The following IMMP2L variants were observed in gnomAD, a reference collection of about 807,000 sequenced individuals.
IMMP2L encodes the protein mitochondrial inner membrane protease subunit 2.
In IMMP2L, 18 loss-of-function variants were observed where a neutral mutation model predicts 19.3. The ratio of observed to expected loss-of-function variants is 0.93; its 90% CI spans 0.64 to 1.38. The LOEUF (loss-of-function observed/expected upper bound fraction) is 1.38. IMMP2L is among the 40% of genes most tolerant of loss of function. The pLI, the probability that IMMP2L is intolerant of heterozygous loss-of-function variation, is 0.00. For missense variants in IMMP2L, 233 were observed against 218.2 expected, an observed-to-expected ratio of 1.07 and a Z score of -0.43; for synonymous variants, 76 against 73.0, an observed-to-expected ratio of 1.04 and a Z score of -0.21.
intron 5 of IMMP2L, among the ~76,000 whole-genome samples, chr7:110,744,675 A>C (rs974661551): frequency 2.6e-5 from 4 of 152,212 alleles, no homozygotes; most frequent in Non-Finnish European, 5.9e-5. Context: ...TTAGAAGGAA[A>C]ACTAACAAAC....
chr7:110,682,236 A>G (rs1305428904), intron 5 of IMMP2L, among the ~76,000 whole-genome samples: 4 of 152,076 alleles, frequency 2.6e-5, no homozygotes, highest in Non-Finnish European at 5.9e-5. Flanking sequence ...CTTTACCTTG[A>G]TAACTCCTCT....
intron 3 of IMMP2L, among the ~76,000 whole-genome samples, chr7:111,312,648 T>A (rs10280060): frequency 0.023 from 3,495 of 152,204 alleles, 141 homozygotes; most frequent in African/African-American, 0.08. Flanking sequence ...TCCATTTGAT[T>A]TCCCAAAACT....
At chr7:110,801,319 T>C (rs540948627) in intron 5 of IMMP2L, among the ~76,000 whole-genome samples, 6 of 152,212 alleles carry the variant, frequency 3.9e-5, no homozygotes, top group African/African-American at 1.2e-4. Context: ...CCTTCCCATA[T>C]ACTGCTTGTC....
chr7:111,279,459 G>A (rs1035510309), intron 3 of IMMP2L, among the ~76,000 whole-genome samples: 3 of 152,124 alleles, frequency 2.0e-5, no homozygotes, highest in Non-Finnish European at 4.4e-5. Context: ...CAAACAGAAA[G>A]ACAGAGAAGA....
intron 3 of IMMP2L, among the ~76,000 whole-genome samples, chr7:111,013,271 T>C (rs1585745013): frequency 6.6e-6 from 1 of 152,158 alleles, no homozygotes; most frequent in Middle Eastern, 3.4e-3. Flanking sequence ...ATGTAAGAGG[T>C]AGACATGAGC....
intron 3 of IMMP2L, among the ~76,000 whole-genome samples, chr7:110,978,432 T>C (rs879119440): frequency 6.6e-6 from 1 of 152,028 alleles, no homozygotes. Flanking sequence ...AGGACTATGA[T>C]TGGGAATCTA....
intron 5 of IMMP2L, among the ~76,000 whole-genome samples, chr7:110,769,606 G>A (rs529876720): frequency 1.3e-5 from 2 of 152,086 alleles, no homozygotes; most frequent in African/African-American, 2.4e-5. Context: ...AGACAAGGTT[G>A]AAATTATTGG....
At chr7:111,317,907 A>G (rs57129648) in intron 3 of IMMP2L, among the ~76,000 whole-genome samples, 5,103 of 152,258 alleles carry the variant, frequency 0.034, 280 homozygotes, top group African/African-American at 0.12. Flanking sequence ...TTTGTTATAG[A>G]TTCTACATGG....
intron 3 of IMMP2L, among the ~76,000 whole-genome samples, chr7:111,430,710 T>C (rs1231778044): frequency 6.6e-6 from 1 of 151,796 alleles, no homozygotes; most frequent in African/African-American, 2.4e-5. Context: ...TCAAATATTG[T>C]CTTGGATGCT....
At chr7:110,804,787 A>G (rs1175969898) in intron 5 of IMMP2L, among the ~76,000 whole-genome samples, 1 of 152,124 alleles carries the variant, frequency 6.6e-6, no homozygotes, top group African/African-American at 2.4e-5. Context: ...CGGCCATGCT[A>G]ATGAGGACTA....
intron 3 of IMMP2L, among the ~76,000 whole-genome samples, chr7:110,985,167 A>G (rs1183394607): frequency 6.6e-6 from 1 of 152,122 alleles, no homozygotes; most frequent in Non-Finnish European, 1.5e-5. Context: ...AAGGAACTCA[A>G]CCTTACTGAC....
chr7:110,929,161 C>T (rs560469591), intron 4 of IMMP2L, among the ~76,000 whole-genome samples: 11 of 152,182 alleles, frequency 7.2e-5, no homozygotes. Context: ...CATGATGCCG[C>T]CCCATCAAAT....
chr7:111,095,637 T>C lies in IMMP2L; in HGVS notation c.240-132072A>G, dbSNP rs183945797. Among the ~76,000 whole-genome samples the C allele has an allele frequency of 8.3e-4, 127 of 152,166 alleles. 1 individual carries two copies. The highest frequency in any genetic ancestry group is 8.3e-3 in the Admixed American group (126 of 15,224). On this transcript the variant is annotated intron_variant, in intron 3 of 5. Coordinates refer to ENST00000405709, the MANE Select transcript of IMMP2L (RefSeq NM_032549.4). The stretch of plus-strand genomic sequence containing the variant: ...AGAGTTTTGCCCTGTTTTTAAAACA[T>C]GTTAATAATAATACTGCTATCCTTC...
intron 2 of IMMP2L, among the ~76,000 whole-genome samples, chr7:111,518,908 T>A (rs1283655177): frequency 1.2e-4 from 18 of 152,244 alleles, no homozygotes; most frequent in Non-Finnish European, 4.4e-5. Flanking sequence ...TGTACTCCAA[T>A]CCCCAATTCC....
intron 1 of IMMP2L, among the ~76,000 whole-genome samples, chr7:111,560,853 T>C (rs1791962100): frequency 6.6e-6 from 1 of 152,186 alleles, no homozygotes; most frequent in Non-Finnish European, 1.5e-5. Flanking sequence ...ATAAATTATG[T>C]GGTCACCTAT....
intron 5 of IMMP2L, among the ~76,000 whole-genome samples, chr7:110,667,290 C>A (rs763110861): frequency 6.6e-6 from 1 of 151,934 alleles, no homozygotes; most frequent in African/African-American, 2.4e-5. Context: ...ATTTTTGATT[C>A]CATTTTATTT....
At chr7:110,833,083 C>T (rs1423934818) in intron 5 of IMMP2L, among the ~76,000 whole-genome samples, 2 of 152,116 alleles carry the variant, frequency 1.3e-5, no homozygotes, top group South Asian at 2.1e-4. Flanking sequence ...CAAGGGAGAA[C>T]ATTTATTGCA....
chr7:111,562,474 G>C lies in IMMP2L; in HGVS notation c.-626C>G, dbSNP rs1235589807. 6.6e-6 allele frequency: 1 copy of C among 151,518 alleles called. No homozygotes were observed. The highest frequency in any genetic ancestry group is 2.4e-5 in the African/African-American group (1 of 41,300). 9.4% of individuals were successfully genotyped at this position (151,518 alleles called of 1,614,324 possible). On this transcript the variant is annotated 5_prime_UTR_variant, in exon 1 of 6. Transcript: ENST00000405709. ...GCCCGCCCTCCGCACCCGCTGCGCA[G>C]CTCAGCCCGGGGGAAGTCCCCGCGC...
Position 110,870,108 on chromosome 7 carries a change from G to T in IMMP2L, c.408+16485C>A, listed in dbSNP as rs1808384449. Reference sequence around the variant, plus strand: ...CTGCCTAAAGGAAACTTTTTATTTGGTCCTGTTTCTCCTTGTTCTGTTTGC... The same window carrying T: ...CTGCCTAAAGGAAACTTTTTATTTGTTCCTGTTTCTCCTTGTTCTGTTTGC... On this transcript the variant is annotated intron_variant, in intron 5 of 5. Transcript: ENST00000405709. This position sits in a 1 kb window ranked among gnomAD's most constrained non-coding sequence, Gnocchi z 4.2. Among the ~76,000 whole-genome samples, 2 of 152,016 alleles carry T rather than the reference G, an allele frequency of 1.3e-5. No homozygotes were observed. Among genetic ancestry groups the T allele is most frequent in the South Asian group, 2.1e-4 (1 of 4,828 alleles).
Sources: allele counts gnomAD v4.1 joint callset (sites outside exome capture counted in the v4.1 genomes callset), GRCh38; gene constraint gnomAD v4.1.1; non-coding constraint Gnocchi (gnomAD v3.1); transcripts MANE v1.5; gene names NCBI Gene and HGNC (gene_info 2026-07-23, HGNC 2026-07-21).